Variants in KIRREL3 observed in about 807,000 individuals in gnomAD.
The protein encoded by KIRREL3 is kin of IRRE-like protein 3.
A neutral mutation model predicts 89.7 loss-of-function variants in KIRREL3; 36 were observed. That is an observed-to-expected ratio of 0.40 (90% CI 0.31 to 0.53). The LOEUF is 0.53. Ranked by LOEUF, KIRREL3 falls within the 20% of genes least tolerant of loss-of-function variation. The pLI, the probability that KIRREL3 is intolerant of heterozygous loss-of-function variation, is 0.49. For synonymous variants in KIRREL3, 445 were observed against 441.4 expected (o/e 1.01, Z -0.10); for missense variants, 864 against 1,056.6 (o/e 0.82, Z 2.53).
intron 1 of KIRREL3, among the ~76,000 whole-genome samples, chr11:126,956,505 C>G (rs532224880): frequency 6.6e-6 from 1 of 152,220 alleles, no homozygotes; most frequent in South Asian, 2.1e-4. Context: ...GCTTACTGGG[C>G]TAAAGAAAAT....
Position 126,697,388 on chromosome 11 carries a change from T to C in KIRREL3, c.56-134476A>G, listed in dbSNP as rs143532086. ...CCACTCAACCCCTAGGAACCTGTTT[T>C]CTTATCTAGAACATGAGGGTAATAG... is the stretch of plus-strand genomic sequence containing the variant. On this transcript the variant is annotated intron_variant, in intron 1 of 16. Transcript: ENST00000525144. The surrounding 1 kb of genome is among the most constrained non-coding windows in gnomAD (Gnocchi z 4.2). Among the ~76,000 whole-genome samples, 74 of 152,300 alleles carry C rather than the reference T, an allele frequency of 4.9e-4. 7 individuals carry two copies. In the East Asian group the frequency reaches 0.014, roughly 29 times the overall value.
Position 126,812,226 on chromosome 11 carries a change from C to T in KIRREL3, c.55+188229G>A, listed in dbSNP as rs888234642. ...GATCATTAATTTCCTTACTTTGGAA[C>T]TTTGGGGTCCTTAGGATAGCGCTGT... is the stretch of plus-strand genomic sequence containing the variant. On this transcript the variant is annotated intron_variant, in intron 1 of 16. Coordinates refer to ENST00000525144, the MANE Select transcript of KIRREL3 (RefSeq NM_032531.4). The surrounding 1 kb of genome is among the most constrained non-coding windows in gnomAD (Gnocchi z 5.2). 1.3e-5 allele frequency among the ~76,000 whole-genome samples: 2 copies of T among 152,100 alleles called. No homozygotes were observed. Among genetic ancestry groups the T allele is most frequent in the Admixed American group, 6.5e-5 (1 of 15,274 alleles).
In KIRREL3 at chr11:126,981,647, G is replaced by A. The variant is rs750729352; in HGVS notation, c.55+18808C>T. Among the ~76,000 whole-genome samples the A allele has an allele frequency of 5.3e-4, 81 of 152,260 alleles. No individual in the cohort carries two copies. The highest frequency in any genetic ancestry group is 2.7e-3 in the East Asian group (14 of 5,180). ...TGTTAAAACCACACATTTGGGTGTC[G>A]GAGGAGGTCTCAGCCACACATGCTC... On this transcript the variant is annotated intron_variant, in intron 1 of 16. Transcript: ENST00000525144. The surrounding 1 kb of genome is among the most constrained non-coding windows in gnomAD (Gnocchi z 4.2).
rs1211237577 is a variant in KIRREL3, at chr11:126,535,874, A to AC, written c.134-9188dup. ...GTGGTGCGTGCCTGTAATCCCAGCTACTCAGGAGGCTGAGCCAGGAGAATC... is the reference window on the plus strand; with the variant it reads ...GTGGTGCGTGCCTGTAATCCCAGCTACCTCAGGAGGCTGAGCCAGGAGAATC... On this transcript the variant is annotated intron_variant, in intron 2 of 16. Transcript: ENST00000525144. The surrounding 1 kb of genome is among the most constrained non-coding windows in gnomAD (Gnocchi z 4.5). 6.6e-6 allele frequency among the ~76,000 whole-genome samples: 1 copy of AC among 152,160 alleles called. No homozygotes were observed. The highest frequency in any genetic ancestry group is 6.5e-5 in the Admixed American group (1 of 15,272).
intron 1 of KIRREL3, among the ~76,000 whole-genome samples, chr11:126,737,815 A>G (rs1478987617): frequency 6.6e-6 from 1 of 152,188 alleles, no homozygotes; most frequent in Non-Finnish European, 1.5e-5. Flanking sequence ...TAATGGTCAA[A>G]TCGGGATAAC....
chr11:126,839,030 G>A (rs1378760162), intron 1 of KIRREL3, among the ~76,000 whole-genome samples: 1 of 152,188 alleles, frequency 6.6e-6, no homozygotes, highest in East Asian at 1.9e-4. Context: ...GGGAGGACTT[G>A]GCTTTTCTTC....
At chr11:126,966,354 C>A (rs146052605) in intron 1 of KIRREL3, among the ~76,000 whole-genome samples, 2 of 152,274 alleles carry the variant, frequency 1.3e-5, no homozygotes, top group East Asian at 3.9e-4. Context: ...GTCAGAGCAG[C>A]ATGCGTCTCC....
In KIRREL3 at chr11:126,996,743, T is replaced by C. The variant is rs79089200; in HGVS notation, c.55+3712A>G. Among the ~76,000 whole-genome samples the C allele has an allele frequency of 6.0e-3, 916 of 152,278 alleles. 6 individuals are homozygous for C. The highest frequency in any genetic ancestry group is 0.021 in the African/African-American group (856 of 41,548). On this transcript the variant is annotated intron_variant, in intron 1 of 16. Coordinates refer to ENST00000525144, the MANE Select transcript of KIRREL3 (RefSeq NM_032531.4). The surrounding 1 kb of genome is among the most constrained non-coding windows in gnomAD (Gnocchi z 4.7). ...GCTTAGATTCTTCCCAGTAGGGAGA[T>C]GGTACCTCAAATGCATCCTTAGCTC...
At chr11:126,770,351 C>T (rs1284696799) in intron 1 of KIRREL3, among the ~76,000 whole-genome samples, 2 of 152,162 alleles carry the variant, frequency 1.3e-5, no homozygotes, top group Admixed American at 1.3e-4. Flanking sequence ...GACTTCTGCC[C>T]CATCCCTGCC....
rs986988677 is a variant in KIRREL3 at position 126,522,618 on chromosome 11, A to G, written c.284-1154T>C. The stretch of plus-strand genomic sequence containing the variant: ...CCTGCTGCTGTGTAGGGTTGAATAT[A>G]AATGCCAACTGAAGTTGTGGCTGGC... On this transcript the variant is annotated intron_variant, in intron 3 of 16. Transcript: ENST00000525144. The surrounding 1 kb of genome is among the most constrained non-coding windows in gnomAD (Gnocchi z 6.0). 6.6e-6 allele frequency among the ~76,000 whole-genome samples: 1 copy of G among 152,244 alleles called. No homozygotes were observed. Among genetic ancestry groups the G allele is most frequent in the African/African-American group, 2.4e-5 (1 of 41,460 alleles).
rs1054949146 is a variant in KIRREL3 at position 126,900,108 on chromosome 11, A to G, written c.55+100347T>C. 1.3e-5 allele frequency among the ~76,000 whole-genome samples: 2 copies of G among 152,184 alleles called. No individual in the cohort carries two copies. The highest frequency in any genetic ancestry group is 4.8e-5 in the African/African-American group (2 of 41,460). ...GCTCTCCAAATCAATTGTTTTGCAC[A>G]ATGGAGACACACTCCTTGGGTCAGG... On this transcript the variant is annotated intron_variant, in intron 1 of 16. Coordinates refer to ENST00000525144, the MANE Select transcript of KIRREL3 (RefSeq NM_032531.4). The surrounding 1 kb of genome is among the most constrained non-coding windows in gnomAD (Gnocchi z 4.4).
At position 127,000,362 on chromosome 11, in the gene KIRREL3, T is replaced by G; in HGVS notation, c.55+93A>C. 1.0e-6 allele frequency: 1 copy of G among 1,001,026 alleles called. No homozygotes were observed. The highest frequency in any genetic ancestry group is 2.9e-5 in the East Asian group (1 of 34,732). The allele number at this position is 1,001,026 out of a possible 1,614,324, so 62.0% of individuals were successfully genotyped here. On this transcript the variant is annotated intron_variant, in intron 1 of 16. Coordinates refer to ENST00000525144, the MANE Select transcript of KIRREL3 (RefSeq NM_032531.4). This position sits in a 1 kb window ranked among gnomAD's most constrained non-coding sequence, Gnocchi z 7.1. ...CGAGAGACGCATCCATCAGTCCGAG[T>G]TCCCGAAGCCTGCCCACGTTCCTGC...
rs1202141480 is a variant in KIRREL3, at chr11:126,459,002, A to G, written c.743-2548T>C. 6.6e-6 allele frequency among the ~76,000 whole-genome samples: 1 copy of G among 152,192 alleles called. No individual in the cohort carries two copies. The highest frequency in any genetic ancestry group is 2.4e-5 in the African/African-American group (1 of 41,450). On this transcript the variant is annotated intron_variant, in intron 6 of 16. Coordinates refer to ENST00000525144, the MANE Select transcript of KIRREL3 (RefSeq NM_032531.4). The surrounding 1 kb of genome is among the most constrained non-coding windows in gnomAD (Gnocchi z 4.8). ...CCCTACCTAGAGAACATGGACACTC[A>G]GGGAGGAGCCTGCATCTCGCCGTGG...
chr11:126,485,811 A>G lies in KIRREL3; in HGVS notation c.434-12345T>C, dbSNP rs1591618813. On this transcript the variant is annotated intron_variant, in intron 4 of 16. Transcript: ENST00000525144. This position sits in a 1 kb window ranked among gnomAD's most constrained non-coding sequence, Gnocchi z 5.8. ...TGCCTCAAAGCACCTTTAAACCACTAGAGCGATGACAAGGAGGTCACAGAC... is the reference window on the plus strand; with the variant it reads ...TGCCTCAAAGCACCTTTAAACCACTGGAGCGATGACAAGGAGGTCACAGAC... Among the ~76,000 whole-genome samples, 1 of 152,180 alleles carries G rather than the reference A, an allele frequency of 6.6e-6. No individual in the cohort carries two copies. Among genetic ancestry groups the G allele is most frequent in the African/African-American group, 2.4e-5 (1 of 41,434 alleles).
rs942411974 is a variant in KIRREL3, at chr11:126,628,401, C to T, written c.56-65489G>A. 1.3e-5 allele frequency among the ~76,000 whole-genome samples: 2 copies of T among 152,206 alleles called. No individual in the cohort carries two copies. Among genetic ancestry groups the T allele is most frequent in the Non-Finnish European group, 2.9e-5 (2 of 68,038 alleles). On this transcript the variant is annotated intron_variant, in intron 1 of 16. Coordinates refer to ENST00000525144, the MANE Select transcript of KIRREL3 (RefSeq NM_032531.4). This position sits in a 1 kb window ranked among gnomAD's most constrained non-coding sequence, Gnocchi z 5.2. ...ACTTCACAGTGACTGAGGAGACATA[C>T]CTTAGCCCACCCCCACTGGATTTTG... is the stretch of plus-strand genomic sequence containing the variant.
In KIRREL3 at chr11:126,688,605, G is replaced by T. The variant is rs926766700; in HGVS notation, c.56-125693C>A. Among the ~76,000 whole-genome samples the T allele has an allele frequency of 2.6e-5, 4 of 152,178 alleles. No homozygotes were observed. In the East Asian group the frequency reaches 7.7e-4, roughly 29 times the overall value. ...GAATGATTGGCACTTTTGAGCCCTG[G>T]ATTGGTTGGGCCTTTATCTTAGCTG... On this transcript the variant is annotated intron_variant, in intron 1 of 16. Transcript: ENST00000525144.
rs2134320927 is a variant in KIRREL3, at chr11:126,485,686, A to T, written c.434-12220T>A. On this transcript the variant is annotated intron_variant, in intron 4 of 16. Coordinates refer to ENST00000525144, the MANE Select transcript of KIRREL3 (RefSeq NM_032531.4). This position sits in a 1 kb window ranked among gnomAD's most constrained non-coding sequence, Gnocchi z 5.8. The stretch of plus-strand genomic sequence containing the variant: ...AAGTAACTCCACATGGGGGCAGAGT[A>T]GCATATTGCATGTGAAATGGGCTTG... Among the ~76,000 whole-genome samples the T allele has an allele frequency of 6.6e-6, 1 of 152,040 alleles. No individual in the cohort carries two copies. Among genetic ancestry groups the T allele is most frequent in the East Asian group, 1.9e-4 (1 of 5,208 alleles).
At position 126,578,871 on chromosome 11, in the gene KIRREL3, G is replaced by C. The variant is rs1278138874; in HGVS notation, c.56-15959C>G. ...ATAAGCCATCACGTATTGACCATCTGTCAGCAAGTATCTACCCTGCAAAAT... is the reference window on the plus strand; with the variant it reads ...ATAAGCCATCACGTATTGACCATCTCTCAGCAAGTATCTACCCTGCAAAAT... On this transcript the variant is annotated intron_variant, in intron 1 of 16. Transcript: ENST00000525144. This position sits in a 1 kb window ranked among gnomAD's most constrained non-coding sequence, Gnocchi z 4.9. Among the ~76,000 whole-genome samples the C allele has an allele frequency of 6.6e-6, 1 of 152,092 alleles. No homozygotes were observed. Among genetic ancestry groups the C allele is most frequent in the Non-Finnish European group, 1.5e-5 (1 of 68,014 alleles).
In KIRREL3 at chr11:126,543,392, A is replaced by G. The variant is rs76670110; in HGVS notation, c.134-16705T>C. On this transcript the variant is annotated intron_variant, in intron 2 of 16. Transcript: ENST00000525144. ...GCAGGTGTAGCCCTGGCTCATATCCACCATCCTGAGAAATAGAAAATCTTT... is the reference window on the plus strand; with the variant it reads ...GCAGGTGTAGCCCTGGCTCATATCCGCCATCCTGAGAAATAGAAAATCTTT... 3.3e-5 allele frequency among the ~76,000 whole-genome samples: 5 copies of G among 152,162 alleles called. No homozygotes were observed. The East Asian group carries it at 9.7e-4, about 29-fold the overall frequency.
Sources: allele counts gnomAD v4.1 joint callset (sites outside exome capture counted in the v4.1 genomes callset), GRCh38; gene constraint gnomAD v4.1.1; non-coding constraint Gnocchi (gnomAD v3.1); transcripts MANE v1.5; gene names NCBI Gene and HGNC (gene_info 2026-07-23, HGNC 2026-07-21).